The following PHF14 variants were observed in gnomAD, a reference collection of about 807,000 sequenced individuals.
PHF14 encodes the protein PHD finger protein 14.
A neutral mutation model predicts 117.9 loss-of-function variants in PHF14; 55 were observed. The ratio of observed to expected loss-of-function variants is 0.47; its 90% CI spans 0.38 to 0.58. The LOEUF (loss-of-function observed/expected upper bound fraction) is 0.58. PHF14 is among the 20% of genes least tolerant of loss of function. PHF14 has a pLI of 0.00. For missense variants in PHF14, 978 were observed against 1,122.2 expected (o/e 0.87, Z 1.84); for synonymous variants, 409 against 368.6 (o/e 1.11, Z -1.26).
At chr7:11,046,756 A>G (rs1784678214) in intron 13 of PHF14, among the ~76,000 whole-genome samples, 1 of 152,176 alleles carries the variant, frequency 6.6e-6, no homozygotes, top group African/African-American at 2.4e-5. Flanking sequence ...CTGAGGTATT[A>G]CTTGTCTGAG....
At chr7:11,103,268 T>C (rs1326898998) in intron 16 of PHF14, 27 of 871,750 alleles carry the variant, frequency 3.1e-5, no homozygotes, top group Non-Finnish European at 3.7e-5. Flanking sequence ...TCTCTAGATA[T>C]TTTTAGTAAT....
At chr7:11,031,017 A>G (rs1038431497) in intron 7 of PHF14, among the ~76,000 whole-genome samples, 1 of 152,198 alleles carries the variant, frequency 6.6e-6, no homozygotes, top group African/African-American at 2.4e-5. Flanking sequence ...GGATTTATGT[A>G]ATGTAATAGC....
chr7:11,087,320 T>G (rs1786450597), intron 16 of PHF14, among the ~76,000 whole-genome samples: 1 of 151,960 alleles, frequency 6.6e-6, no homozygotes, highest in South Asian at 2.1e-4. Flanking sequence ...GCCTCCCGAG[T>G]AGCTGGGACT....
intron 16 of PHF14, chr7:11,071,283 G>A (rs766988009): frequency 1.5e-5 from 8 of 518,226 alleles, no homozygotes; most frequent in African/African-American, 9.6e-5. Context: ...CATGTTACCT[G>A]TTTATTTACA....
At chr7:11,080,956 C>T (rs997021445) in intron 16 of PHF14, among the ~76,000 whole-genome samples, 4 of 151,986 alleles carry the variant, frequency 2.6e-5, no homozygotes, top group Admixed American at 6.5e-5. Context: ...GTGATTTGGC[C>T]TAAGGTGATA....
At chr7:11,066,529 T>A (rs1785430036) in intron 16 of PHF14, among the ~76,000 whole-genome samples, 1 of 152,240 alleles carries the variant, frequency 6.6e-6, no homozygotes, top group Non-Finnish European at 1.5e-5. Context: ...TCTTCTTTGT[T>A]TTCTTCTAGA....
chr7:11,018,665 A>G (rs1030001537), intron 5 of PHF14, among the ~76,000 whole-genome samples: 3 of 152,220 alleles, frequency 2.0e-5, no homozygotes, highest in Non-Finnish European at 4.4e-5. Context: ...TTTTCCAAAT[A>G]CAACATTATA....
At chr7:11,011,233 C>T (rs555513929) in intron 4 of PHF14, among the ~76,000 whole-genome samples, 13 of 151,758 alleles carry the variant, frequency 8.6e-5, no homozygotes, top group Admixed American at 7.2e-4. Context: ...TTTCCTTTCT[C>T]GTGGGTGATT....
At chr7:11,105,866 T>C (rs960343666) in intron 16 of PHF14, 36 of 983,388 alleles carry the variant, frequency 3.7e-5, no homozygotes, top group African/African-American at 7.0e-5. Flanking sequence ...ATCTCATTTA[T>C]CTGATTTACA....
Position 10,974,293 on chromosome 7 carries a change from C to T in PHF14, c.-31C>T. ...GGGCTCCTGCAGCCTCTCCCTAAGT[C>T]TTCTCCAAACGACCACCTCACGGAT... On this transcript the variant is annotated 5_prime_UTR_variant, in exon 1 of 18. Coordinates refer to ENST00000634607, the MANE Select transcript of PHF14 (RefSeq NM_001007157.2). 1 of 1,582,950 alleles carries T rather than the reference C, an allele frequency of 6.3e-7. No homozygotes were observed. Among genetic ancestry groups the T allele is most frequent in the Non-Finnish European group, 8.6e-7 (1 of 1,163,270 alleles).
chr7:11,087,591 TC>T (rs1461263684), intron 16 of PHF14, among the ~76,000 whole-genome samples: 4 of 152,202 alleles, frequency 2.6e-5, no homozygotes, highest in Non-Finnish European at 5.9e-5. Flanking sequence ...ATGATTGACT[TC>T]TAAGGAATCT....
Position 11,153,948 on chromosome 7 carries a change from C to CGTGTGT in PHF14, c.2773-15449_2773-15444dup, listed in dbSNP as rs10593375. On this transcript the variant is annotated intron_variant, in intron 17 of 17. Coordinates refer to ENST00000634607, the MANE Select transcript of PHF14 (RefSeq NM_001007157.2). Reference sequence around the variant, plus strand: ...TGAAAGTGGTCCCTGTCTGTGTGTGCGTGTGTGTGTGTGTGTGTGTGTGTT... The same window carrying CGTGTGT: ...TGAAAGTGGTCCCTGTCTGTGTGTGCGTGTGTGTGTGTGTGTGTGTGTGTGTGTGTT... 2.0e-3 allele frequency among the ~76,000 whole-genome samples: 306 copies of CGTGTGT among 149,376 alleles called. 2 individuals are homozygous for CGTGTGT. Among genetic ancestry groups the CGTGTGT allele is most frequent in the African/African-American group, 7.0e-3 (284 of 40,666 alleles).
chr7:11,080,590 C>T (rs1005463531), intron 16 of PHF14, among the ~76,000 whole-genome samples: 4 of 152,118 alleles, frequency 2.6e-5, no homozygotes, highest in African/African-American at 7.2e-5. Context: ...GTTTTTCTCC[C>T]TGATGTCTCA....
intron 4 of PHF14, 74 bp from the exon 5 acceptor site, chr7:11,013,673 C>T: frequency 2.6e-6 from 2 of 759,610 alleles, no homozygotes; most frequent in African/African-American, 1.7e-5. Context: ...CTTTGCTATT[C>T]TTTTTCTTTT....
intron 17 of PHF14, among the ~76,000 whole-genome samples, chr7:11,119,679 T>A (rs1256557090): frequency 6.6e-6 from 1 of 151,914 alleles, no homozygotes; most frequent in Non-Finnish European, 1.5e-5. Context: ...ACATTTTAAT[T>A]AGTTCATAAT....
chr7:11,141,269 G>T (rs1013209509), intron 17 of PHF14, among the ~76,000 whole-genome samples: 7 of 151,964 alleles, frequency 4.6e-5, no homozygotes, highest in South Asian at 2.1e-4. Flanking sequence ...TTCTGTCAGG[G>T]TTATCTCTGT....
At chr7:11,006,810 C>T in intron 4 of PHF14, 1 of 801,374 alleles carries the variant, frequency 1.2e-6, no homozygotes, top group Non-Finnish European at 2.1e-6. Flanking sequence ...GCCTTGAAAG[C>T]CTTCGGTTTG....
At chr7:11,064,347 A>G (rs1254354365) in intron 16 of PHF14, among the ~76,000 whole-genome samples, 4 of 151,970 alleles carry the variant, frequency 2.6e-5, no homozygotes, top group Admixed American at 6.6e-5. Flanking sequence ...TGCATCTTAA[A>G]TACTATCTTT....
Position 11,130,116 on chromosome 7 carries a change from C to T in PHF14, c.2772+18649C>T, listed in dbSNP as rs775942234. The stretch of plus-strand genomic sequence containing the variant: ...TGCTCATTATAGTCACTTGGGGACC[C>T]GAGCTGATGGAGGTTTTGTTTCAAC... On this transcript the variant is annotated intron_variant, in intron 17 of 17. Transcript: ENST00000634607. This position sits in a 1 kb window ranked among gnomAD's most constrained non-coding sequence, Gnocchi z 4.2. Among the ~76,000 whole-genome samples the T allele has an allele frequency of 2.6e-5, 4 of 151,930 alleles. No individual in the cohort carries two copies. The highest frequency in any genetic ancestry group is 4.4e-5 in the Non-Finnish European group (3 of 67,942).
Sources: allele counts gnomAD v4.1 joint callset (sites outside exome capture counted in the v4.1 genomes callset), GRCh38; gene constraint gnomAD v4.1.1; non-coding constraint Gnocchi (gnomAD v3.1); transcripts MANE v1.5; gene names NCBI Gene and HGNC (gene_info 2026-07-23, HGNC 2026-07-21).